ZMYND11: variants seen among roughly 807,000 people sequenced by gnomAD.
ZMYND11 encodes the protein zinc finger MYND domain-containing protein 11.
ZMYND11 carries 9 observed loss-of-function variants against 84.9 expected under a neutral mutation model. That is an observed-to-expected ratio of 0.11 (90% confidence interval 0.06 to 0.18). The LOEUF is 0.18. Among genes scored for constraint, ZMYND11 ranks in the 10% least tolerant of loss-of-function variants. The pLI is 1.00. For missense variants in ZMYND11, 409 were observed against 761.0 expected (o/e 0.54, Z 5.44); for synonymous variants, 250 against 244.1 (o/e 1.02, Z -0.23).
At chr10:137,292 A>G (rs1836337152) in intron 1 of ZMYND11, among the ~76,000 whole-genome samples, 1 of 152,102 alleles carries the variant, frequency 6.6e-6, no homozygotes, top group South Asian at 2.1e-4. Flanking sequence ...GGAGATACCC[A>G]GGTGGCCCAT....
intron 3 of ZMYND11, 53 bp downstream of exon 3, chr10:210,101 C>G (rs1944923761): frequency 6.3e-7 from 1 of 1,576,182 alleles, no homozygotes; most frequent in Non-Finnish European, 8.7e-7. Flanking sequence ...AGCTTTTAAA[C>G]ATTATTTAGA....
intron 1 of ZMYND11, among the ~76,000 whole-genome samples, chr10:168,882 T>C (rs1844634028): frequency 6.6e-6 from 1 of 152,032 alleles, no homozygotes; most frequent in Admixed American, 6.6e-5. Flanking sequence ...AGATGCCCAG[T>C]ATGGACAACT....
chr10:150,946 C>T (rs1363430165), intron 1 of ZMYND11, among the ~76,000 whole-genome samples: 1 of 152,198 alleles, frequency 6.6e-6, no homozygotes, highest in Non-Finnish European at 1.5e-5. Flanking sequence ...TGCTGATACC[C>T]AGGCAAACAG....
At chr10:181,065 G>A (rs1753050560) in intron 2 of ZMYND11, among the ~76,000 whole-genome samples, 1 of 151,846 alleles carries the variant, frequency 6.6e-6, no homozygotes, top group East Asian at 1.9e-4. Context: ...TAGGAACTTG[G>A]TTTTGTTTTG....
intron 4 of ZMYND11, among the ~76,000 whole-genome samples, chr10:222,340 C>T (rs774071771): frequency 2.0e-5 from 3 of 152,142 alleles, no homozygotes; most frequent in Non-Finnish European, 2.9e-5. Flanking sequence ...TGTACTTAGC[C>T]TTGCCATATA....
chr10:142,627 A>G (rs1837755211), intron 1 of ZMYND11, among the ~76,000 whole-genome samples: 1 of 152,230 alleles, frequency 6.6e-6, no homozygotes, highest in Non-Finnish European at 1.5e-5. Context: ...CTGTCTCCCT[A>G]AAACCCATAA....
intron 4 of ZMYND11, among the ~76,000 whole-genome samples, chr10:233,716 CAG>C (rs1949420833): frequency 3.3e-5 from 5 of 152,200 alleles, no homozygotes; most frequent in Admixed American, 3.3e-4. Flanking sequence ...CAGAAGGAGA[CAG>C]ATGCTCTAGC....
intron 2 of ZMYND11, among the ~76,000 whole-genome samples, chr10:191,152 A>G (rs1354823432): frequency 1.3e-5 from 2 of 152,184 alleles, no homozygotes; most frequent in African/African-American, 4.8e-5. Flanking sequence ...GCTTTATATA[A>G]TTATTTAATT....
rs189653225 is a variant in ZMYND11 at position 231,840 on chromosome 10, G to A, written c.439-4998G>A. On this transcript the variant is annotated intron_variant, in intron 4 of 14. Transcript: ENST00000381604. The stretch of plus-strand genomic sequence containing the variant: ...TTCTTACGCAAACGTCTACAACCCT[G>A]CTTCAGACATGCGATTACCGTCACT... Among the ~76,000 whole-genome samples, 12 of 152,268 alleles carry A rather than the reference G, an allele frequency of 7.9e-5. No homozygotes were observed. In the East Asian group the frequency reaches 2.3e-3, roughly 29 times the overall value.
At chr10:130,768 G>T (rs1835295067), upstream of ZMYND11, among the ~76,000 whole-genome samples, 1 of 152,240 alleles carries the variant, frequency 6.6e-6, no homozygotes, top group Non-Finnish European at 1.5e-5. Flanking sequence ...ATGTCTCACA[G>T]TGAGTTGGAA....
At chr10:207,066 T>C (rs979163232) in intron 2 of ZMYND11, among the ~76,000 whole-genome samples, 5 of 152,028 alleles carry the variant, frequency 3.3e-5, no homozygotes, top group Admixed American at 2.6e-4. Flanking sequence ...TCAATTCCCA[T>C]CTATGAGTGA....
chr10:229,291 G>C (rs916652889), intron 4 of ZMYND11, among the ~76,000 whole-genome samples: 1 of 152,180 alleles, frequency 6.6e-6, no homozygotes, highest in Non-Finnish European at 1.5e-5. Context: ...CCTGTGACTG[G>C]AGTCTCATTT....
intron 1 of ZMYND11, among the ~76,000 whole-genome samples, chr10:150,441 G>A (rs567741879): frequency 2.0e-5 from 3 of 152,226 alleles, no homozygotes; most frequent in African/African-American, 7.2e-5. Context: ...TTGTATTTCT[G>A]TGGGATCAGT....
intron 1 of ZMYND11, among the ~76,000 whole-genome samples, chr10:152,023 T>G (rs1276496853): frequency 6.6e-6 from 1 of 152,144 alleles, no homozygotes; most frequent in African/African-American, 2.4e-5. Context: ...GCTGAGAGAT[T>G]TTGTCACCAC....
At chr10:153,468 T>A (rs1554757724) in intron 1 of ZMYND11, among the ~76,000 whole-genome samples, 1 of 152,248 alleles carries the variant, frequency 6.6e-6, no homozygotes, top group East Asian at 1.9e-4. Context: ...TGGTAATTAC[T>A]CAAAGTTGGC....
intron 4 of ZMYND11, among the ~76,000 whole-genome samples, chr10:227,310 A>G (rs922162010): frequency 1.3e-5 from 2 of 152,188 alleles, no homozygotes; most frequent in East Asian, 1.9e-4. Context: ...TCAGAATGAT[A>G]CATGTTTTGC....
At chr10:162,496 A>G (rs2131514137) in intron 1 of ZMYND11, among the ~76,000 whole-genome samples, 1 of 152,244 alleles carries the variant, frequency 6.6e-6, no homozygotes, top group South Asian at 2.1e-4. Context: ...AACTTGTAAA[A>G]CAATGAGTTA....
At position 174,497 on chromosome 10, in the gene ZMYND11, A is replaced by C. The variant is rs115345045; in HGVS notation, c.-19-5497A>C. Among the ~76,000 whole-genome samples, 781 of 152,374 alleles carry C rather than the reference A, an allele frequency of 5.1e-3. 7 individuals are homozygous for C. The highest frequency in any genetic ancestry group is 0.018 in the African/African-American group (731 of 41,600). On this transcript the variant is annotated intron_variant, in intron 1 of 14. Coordinates refer to ENST00000381604, the MANE Select transcript of ZMYND11 (RefSeq NM_001370100.5). Reference sequence around the variant, plus strand: ...CATGCTTGTCATTCATACATTGGTCAAAACCCATGTGCACTACAGTGGCAC... The same window carrying C: ...CATGCTTGTCATTCATACATTGGTCCAAACCCATGTGCACTACAGTGGCAC...
At chr10:240,650 G>A (rs1468384784) in intron 8 of ZMYND11, among the ~76,000 whole-genome samples, 1 of 152,230 alleles carries the variant, frequency 6.6e-6, no homozygotes. Context: ...GCAGGGCCCA[G>A]TCAGACCAGC....
Sources: gnomAD v4.1 joint callset for allele counts (sites outside exome capture counted in the v4.1 genomes callset) on GRCh38, gnomAD v4.1.1 for gene constraint, MANE v1.5 for transcripts, NCBI Gene and HGNC (gene_info 2026-07-23, HGNC 2026-07-21) for gene names.